Variants in SCAMP1 observed in about 807,000 individuals in gnomAD.
SCAMP1 encodes the protein secretory carrier membrane protein 1.
Under a neutral mutation model 41.8 loss-of-function variants are expected in SCAMP1, and 15 were observed. That is an observed-to-expected ratio of 0.36 (90% CI 0.24 to 0.55). The LOEUF is 0.55. Among genes scored for constraint, SCAMP1 ranks in the 20% least tolerant of loss-of-function variants. The pLI, the probability that SCAMP1 is intolerant of heterozygous loss-of-function variation, is 0.86. For synonymous variants in SCAMP1, 135 were observed against 136.8 expected (o/e 0.99, Z 0.09); for missense variants, 341 against 412.6 (o/e 0.83, Z 1.50).
intron 6 of SCAMP1, among the ~76,000 whole-genome samples, chr5:78,446,383 G>T (rs1157850853): frequency 1.3e-5 from 2 of 152,136 alleles, no homozygotes; most frequent in East Asian, 3.8e-4. Context: ...GGACATAGCT[G>T]TTGTGAAGGC....
In SCAMP1 at chr5:78,392,664, G is replaced by T. The variant is rs1472168227; in HGVS notation, c.135+3750G>T. 2.0e-5 allele frequency among the ~76,000 whole-genome samples: 3 copies of T among 152,204 alleles called. No homozygotes were observed. The East Asian group carries it at 5.8e-4, about 29-fold the overall frequency. ...ATGAAACACTTCCCTTAGATTTGATGAACAGTGATATGGTGTCAGAACCAG... is the reference window on the plus strand; with the variant it reads ...ATGAAACACTTCCCTTAGATTTGATTAACAGTGATATGGTGTCAGAACCAG... On this transcript the variant is annotated intron_variant, in intron 2 of 8. Coordinates refer to ENST00000621999, the MANE Select transcript of SCAMP1 (RefSeq NM_004866.6).
At position 78,478,205 on chromosome 5, in the gene SCAMP1, T is replaced by C. The variant is rs1185434230; in HGVS notation, c.*2537T>C. The C allele has an allele frequency of 1.3e-5, 2 of 152,592 alleles. No individual in the cohort carries two copies. Among genetic ancestry groups the C allele is most frequent in the African/African-American group, 4.8e-5 (2 of 41,466 alleles). 9.5% of individuals were successfully genotyped at this position (152,592 alleles called of 1,614,324 possible). ...CTCCATGTGTCCCTCTAATGTTGCA[T>C]GTTTCAGTGGGTTGGAAGTTTTGTA... On this transcript the variant is annotated 3_prime_UTR_variant, in exon 9 of 9. Coordinates refer to ENST00000621999, the MANE Select transcript of SCAMP1 (RefSeq NM_004866.6).
At chr5:78,410,500 T>C (rs1369291825) in intron 2 of SCAMP1, among the ~76,000 whole-genome samples, 1 of 152,226 alleles carries the variant, frequency 6.6e-6, no homozygotes, top group Non-Finnish European at 1.5e-5. Flanking sequence ...GGCTGCATGG[T>C]ATTCCATGGT....
intron 1 of SCAMP1, among the ~76,000 whole-genome samples, chr5:78,384,181 T>G (rs971603987): frequency 1.8e-4 from 5 of 28,082 alleles, no homozygotes; most frequent in Non-Finnish European, 6.5e-4. Context: ...GTTTTTTTTC[T>G]TTTTTTTTTT....
intron 7 of SCAMP1, among the ~76,000 whole-genome samples, chr5:78,451,551 A>G (rs918487134): frequency 6.6e-6 from 1 of 152,220 alleles, no homozygotes; most frequent in East Asian, 1.9e-4. Flanking sequence ...AAGGTTATAG[A>G]TGTGGAATCA....
chr5:78,400,227 T>C (rs1404469956), intron 2 of SCAMP1, among the ~76,000 whole-genome samples: 2 of 152,244 alleles, frequency 1.3e-5, no homozygotes, highest in Admixed American at 1.3e-4. Flanking sequence ...TGTTGGTCTG[T>C]TTTTCTAATC....
intron 6 of SCAMP1, among the ~76,000 whole-genome samples, chr5:78,437,301 G>A (rs1255958911): frequency 6.6e-6 from 1 of 152,218 alleles, no homozygotes; most frequent in African/African-American, 2.4e-5. Flanking sequence ...GGTTTTCAAA[G>A]GGAATGCTTC....
chr5:78,406,039 G>A (rs1751926484), intron 2 of SCAMP1, among the ~76,000 whole-genome samples: 1 of 152,192 alleles, frequency 6.6e-6, no homozygotes, highest in Non-Finnish European at 1.5e-5. Context: ...GGCTGTTAAA[G>A]TGAGTGAAAG....
Position 78,438,915 on chromosome 5 carries a change from A to G in SCAMP1, c.633-11018A>G, listed in dbSNP as rs144547876. Among the ~76,000 whole-genome samples the G allele has an allele frequency of 4.8e-3, 727 of 152,292 alleles. 7 individuals carry two copies. The highest frequency in any genetic ancestry group is 0.017 in the African/African-American group (694 of 41,540). ...GGGTGCTCCTGGATTGAGTGCATAT[A>G]TATTTAGGATAGTTAGCTCTTCTTG... On this transcript the variant is annotated intron_variant, in intron 6 of 8. Transcript: ENST00000621999.
chr5:78,453,948 A>G (rs966943737), intron 7 of SCAMP1, among the ~76,000 whole-genome samples: 27 of 152,230 alleles, frequency 1.8e-4, no homozygotes, highest in African/African-American at 6.0e-4. Flanking sequence ...CTTTGAAGCA[A>G]TTGTGAATGG....
chr5:78,453,861 T>G (rs1753309719), intron 7 of SCAMP1, among the ~76,000 whole-genome samples: 1 of 151,660 alleles, frequency 6.6e-6, no homozygotes, highest in Admixed American at 6.6e-5. Flanking sequence ...TTTTATTTCC[T>G]TGAGCAGTGG....
intron 1 of SCAMP1, among the ~76,000 whole-genome samples, chr5:78,376,323 T>C (rs1321094249): frequency 6.6e-6 from 1 of 152,232 alleles, no homozygotes; most frequent in African/African-American, 2.4e-5. Context: ...ATTTTATACT[T>C]TTAGCACATC....
chr5:78,415,748 G>A (rs888884267), intron 3 of SCAMP1, 130 bp downstream of exon 3: 2 of 628,174 alleles, frequency 3.2e-6, no homozygotes, highest in African/African-American at 1.9e-5. Context: ...TTCAAGTCTG[G>A]ATTTGCTGTC....
chr5:78,426,397 T>A (rs982995530), intron 6 of SCAMP1, among the ~76,000 whole-genome samples: 7 of 152,196 alleles, frequency 4.6e-5, no homozygotes, highest in Non-Finnish European at 1.0e-4. Flanking sequence ...TTGAACTAAT[T>A]TACACTCCCA....
chr5:78,409,539 C>T (rs911619515), intron 2 of SCAMP1, among the ~76,000 whole-genome samples: 1 of 152,004 alleles, frequency 6.6e-6, no homozygotes, highest in Non-Finnish European at 1.5e-5. Context: ...GAAAAGAGGT[C>T]GTCCTCCAGA....
At chr5:78,444,042 G>A (rs1011849045) in intron 6 of SCAMP1, among the ~76,000 whole-genome samples, 6 of 151,642 alleles carry the variant, frequency 4.0e-5, no homozygotes, top group African/African-American at 1.2e-4. Flanking sequence ...AATTTTTTTT[G>A]CACTGTTGTG....
At chr5:78,366,188 G>C (rs1258471012) in intron 1 of SCAMP1, among the ~76,000 whole-genome samples, 13 of 146,796 alleles carry the variant, frequency 8.9e-5, no homozygotes, top group Non-Finnish European at 1.8e-4. Context: ...CTGTCGCCCA[G>C]GCTGGAGTGC....
intron 2 of SCAMP1, among the ~76,000 whole-genome samples, chr5:78,391,048 A>C (rs1402916041): frequency 6.6e-6 from 1 of 152,000 alleles, no homozygotes; most frequent in Non-Finnish European, 1.5e-5. Flanking sequence ...TCCCATGTCT[A>C]CTTCTTTCTA....
intron 1 of SCAMP1, among the ~76,000 whole-genome samples, chr5:78,361,871 C>T (rs1750662649): frequency 6.6e-6 from 1 of 152,174 alleles, no homozygotes; most frequent in Non-Finnish European, 1.5e-5. Flanking sequence ...ATTAAGAATC[C>T]TGGAAGAGGA....
Sources: allele counts gnomAD v4.1 joint callset (sites outside exome capture counted in the v4.1 genomes callset), GRCh38; gene constraint gnomAD v4.1.1; transcripts MANE v1.5; gene names NCBI Gene and HGNC (gene_info 2026-07-23, HGNC 2026-07-21).